The following ADCYAP1R1 variants were observed in gnomAD, a reference collection of about 807,000 sequenced individuals.
ADCYAP1R1 encodes the protein ADCYAP receptor type I, also known as pituitary adenylate cyclase-activating polypeptide type I receptor.
ADCYAP1R1 carries 44 observed loss-of-function variants against 67.6 expected under a neutral mutation model. The observed-to-expected ratio is 0.65, with a 90% CI of 0.51 to 0.84. The LOEUF is 0.84. Among genes scored for constraint, ADCYAP1R1 ranks in the 40% least tolerant of loss-of-function variants. The pLI is 0.00. For synonymous variants in ADCYAP1R1, 222 were observed against 219.6 expected (o/e 1.01, Z -0.10); for missense variants, 477 against 587.9 (o/e 0.81, Z 1.95).
At chr7:31,084,906 C>T (rs1352117637) in intron 8 of ADCYAP1R1, 72 bp downstream of exon 8, 3 of 1,351,466 alleles carry the variant, frequency 2.2e-6, no homozygotes, top group African/African-American at 1.4e-5. Context: ...TGCATCTCTC[C>T]CCTCCCCCCT....
In ADCYAP1R1 at chr7:31,064,827, A is replaced by G; in HGVS notation, c.52-4A>G. 6.2e-7 allele frequency: 1 copy of G among 1,606,674 alleles called. No homozygotes were observed. Among genetic ancestry groups the G allele is most frequent in the Non-Finnish European group, 8.5e-7 (1 of 1,175,996 alleles). On this transcript the variant is annotated splice_polypyrimidine_tract_variant and splice_region_variant and intron_variant, in intron 2 of 15. Coordinates refer to ENST00000304166, the MANE Select transcript of ADCYAP1R1 (RefSeq NM_001118.5). ...CCCACCATCCATCCTGTGTTCTCCTACAGGCCCCTGCCATGCATTCTGACT... is the reference window on the plus strand; with the variant it reads ...CCCACCATCCATCCTGTGTTCTCCTGCAGGCCCCTGCCATGCATTCTGACT...
intron 13 of ADCYAP1R1, among the ~76,000 whole-genome samples, chr7:31,101,248 A>G (rs942617753): frequency 1.3e-5 from 2 of 152,124 alleles, no homozygotes; most frequent in African/African-American, 4.8e-5. Flanking sequence ...CACTGCATCC[A>G]CCTTGTGGCT....
intron 12 of ADCYAP1R1, among the ~76,000 whole-genome samples, chr7:31,090,784 G>C (rs1379480356): frequency 6.6e-6 from 1 of 152,222 alleles, no homozygotes; most frequent in Non-Finnish European, 1.5e-5. Context: ...AGTCCATGGT[G>C]TATACGTGCC....
chr7:31,074,700 C>A (rs1030912629), intron 3 of ADCYAP1R1, among the ~76,000 whole-genome samples: 2 of 152,246 alleles, frequency 1.3e-5, no homozygotes, highest in African/African-American at 4.8e-5. Context: ...TATTGGGTCT[C>A]TTTCAAGGAC....
At chr7:31,063,433 A>AG in intron 2 of ADCYAP1R1, 118 bp downstream of exon 2, 2 of 1,163,384 alleles carry the variant, frequency 1.7e-6, no homozygotes, top group Non-Finnish European at 2.5e-6. Flanking sequence ...TATTTCTGCC[A>AG]ACACCACCAC....
intron 13 of ADCYAP1R1, among the ~76,000 whole-genome samples, chr7:31,094,062 C>T (rs117302913): frequency 0.059 from 8,920 of 152,200 alleles, 357 homozygotes; most frequent in Non-Finnish European, 0.085. Context: ...TAGCACAGGG[C>T]CTGGGGTGTT....
At chr7:31,064,247 C>G (rs1794635620) in intron 2 of ADCYAP1R1, among the ~76,000 whole-genome samples, 1 of 152,156 alleles carries the variant, frequency 6.6e-6, no homozygotes, top group African/African-American at 2.4e-5. Flanking sequence ...CACTTTTTTC[C>G]TGAGTTCCTG....
At chr7:31,104,768 T>G in intron 14 of ADCYAP1R1, 100 bp from the exon 15 acceptor site, 2 of 1,317,490 alleles carry the variant, frequency 1.5e-6, no homozygotes, top group Non-Finnish European at 1.1e-6. Flanking sequence ...ATCCAGGTCA[T>G]GGTGTATTTC....
intron 3 of ADCYAP1R1, among the ~76,000 whole-genome samples, chr7:31,071,408 G>C (rs2284221): frequency 0.062 from 9,499 of 152,210 alleles, 350 homozygotes; most frequent in Middle Eastern, 0.13. Flanking sequence ...ATGTCCCCCA[G>C]TGGGGGCCTA....
chr7:31,094,635 A>G (rs1390862514), intron 13 of ADCYAP1R1, among the ~76,000 whole-genome samples: 1 of 151,980 alleles, frequency 6.6e-6, no homozygotes, highest in Non-Finnish European at 1.5e-5. Context: ...CCCTGAACAT[A>G]CTTTGCCAAC....
chr7:31,055,754 G>A (rs1794213238), intron 1 of ADCYAP1R1, among the ~76,000 whole-genome samples: 1 of 152,220 alleles, frequency 6.6e-6, no homozygotes, highest in Non-Finnish European at 1.5e-5. Context: ...GGTTGACAAA[G>A]GGAGGGGCTT....
intron 3 of ADCYAP1R1, 88 bp downstream of exon 3, chr7:31,065,024 C>G (rs1414448124): frequency 1.0e-6 from 1 of 989,840 alleles, no homozygotes; most frequent in Non-Finnish European, 1.5e-6. Flanking sequence ...AGTGAGTGGT[C>G]AAGGTATGGG....
intron 1 of ADCYAP1R1, chr7:31,056,917 T>G (rs923926053): frequency 6.6e-6 from 1 of 151,656 alleles, no homozygotes; most frequent in Non-Finnish European, 1.5e-5. Context: ...CCCAAATCCA[T>G]CCAGGGGGCG....
intron 13 of ADCYAP1R1, 100 bp downstream of exon 13, chr7:31,092,835 G>C: frequency 1.3e-6 from 1 of 796,460 alleles, no homozygotes. Context: ...CTGATAGGGT[G>C]ACCTAGCATC....
chr7:31,107,189 A>T lies in ADCYAP1R1; in HGVS notation c.*505A>T, dbSNP rs772622016. ...GGGGCTCTTCTCAGTCCTGGGCCCA[A>T]GTCCCTGAAGCCTAGCAGAGGGCCA... On this transcript the variant is annotated 3_prime_UTR_variant, in exon 16 of 16. Transcript: ENST00000304166. 1 of 152,850 alleles carries T rather than the reference A, an allele frequency of 6.5e-6. No homozygotes were observed. The highest frequency in any genetic ancestry group is 1.5e-5 in the Non-Finnish European group (1 of 68,524). 9.5% of individuals were successfully genotyped at this position (152,850 alleles called of 1,614,324 possible).
At chr7:31,072,769 C>T (rs749921663) in intron 3 of ADCYAP1R1, among the ~76,000 whole-genome samples, 8 of 152,180 alleles carry the variant, frequency 5.3e-5, no homozygotes, top group African/African-American at 9.7e-5. Context: ...CTTTACATAA[C>T]AAAAAGAACT....
intron 1 of ADCYAP1R1, among the ~76,000 whole-genome samples, chr7:31,054,658 G>A (rs1794167016): frequency 6.6e-6 from 1 of 152,262 alleles, no homozygotes; most frequent in African/African-American, 2.4e-5. Context: ...CCAGGGACAA[G>A]CATTTCATTG....
In ADCYAP1R1 at chr7:31,086,048, C is replaced by G. The variant is rs1217502906; in HGVS notation, c.670-336C>G. 6.6e-6 allele frequency among the ~76,000 whole-genome samples: 1 copy of G among 152,208 alleles called. No individual in the cohort carries two copies. Among genetic ancestry groups the G allele is most frequent in the East Asian group, 1.9e-4 (1 of 5,194 alleles). On this transcript the variant is annotated intron_variant, in intron 9 of 15. Coordinates refer to ENST00000304166, the MANE Select transcript of ADCYAP1R1 (RefSeq NM_001118.5). The surrounding 1 kb of genome is among the most constrained non-coding windows in gnomAD (Gnocchi z 5.0). Reference sequence around the variant, plus strand: ...CCAAATCCTCATTATACCAAGGAGCCTCCTGCAGGGTCCTCTGGCTGCTTC... The same window carrying G: ...CCAAATCCTCATTATACCAAGGAGCGTCCTGCAGGGTCCTCTGGCTGCTTC...
intron 1 of ADCYAP1R1, among the ~76,000 whole-genome samples, chr7:31,062,645 G>A (rs769689671): frequency 6.6e-6 from 1 of 152,194 alleles, no homozygotes; most frequent in Non-Finnish European, 1.5e-5. Flanking sequence ...TACGGTTCAC[G>A]TCCACACTGT....
Sources: allele counts gnomAD v4.1 joint callset (sites outside exome capture counted in the v4.1 genomes callset), GRCh38; gene constraint gnomAD v4.1.1; non-coding constraint Gnocchi (gnomAD v3.1); transcripts MANE v1.5; gene names NCBI Gene and HGNC (gene_info 2026-07-23, HGNC 2026-07-21).